Variants in SPAST observed in about 807,000 individuals in gnomAD.
SPAST encodes spastin, also known as spastic paraplegia 4 (autosomal dominant; spastin).
In SPAST, 30 loss-of-function variants were observed where a neutral mutation model predicts 76.6. The observed-to-expected ratio is 0.39, with a 90% CI of 0.29 to 0.53. The LOEUF is 0.53. Ranked by LOEUF, SPAST falls within the 20% of genes least tolerant of loss-of-function variation. The probability of loss-of-function intolerance (pLI) is 0.68; values close to 1 mark genes in which losing one functional copy is unlikely to be tolerated. For synonymous variants in SPAST, 305 were observed against 281.0 expected, an observed-to-expected ratio of 1.09 and a Z score of -0.86; for missense variants, 717 against 770.5, an observed-to-expected ratio of 0.93 and a Z score of 0.82.
At chr2:32,145,081 AT>A in intron 15 of SPAST, 74 bp downstream of exon 15, 2 of 1,127,472 alleles carry the variant, frequency 1.8e-6, no homozygotes, top group Non-Finnish European at 2.6e-6. Context: ...GTCCAAAAAA[AT>A]CTACCAAGAG....
chr2:32,108,022 AAAAGT>A (rs1242579628), intron 4 of SPAST, among the ~76,000 whole-genome samples: 1 of 152,198 alleles, frequency 6.6e-6, no homozygotes, highest in Non-Finnish European at 1.5e-5. Flanking sequence ...CAGGCAAAGA[AAAAGT>A]AAAGTATAAC....
At chr2:32,128,616 A>C (rs910527785) in intron 9 of SPAST, 137 bp downstream of exon 9, 1 of 684,110 alleles carries the variant, frequency 1.5e-6, no homozygotes. Flanking sequence ...CATATGATGA[A>C]TATCTATCTT....
At position 32,114,768 on chromosome 2, in the gene SPAST, T is replaced by C. The variant is rs759755904; in HGVS notation, c.813T>C (p.Gly271=). ...ACCATAGAGCACCTAGTTACAGTGG[T>C]TTATCCATGGTTTCTGGAGTGAAAC... ...SGHHRAPSYS[G]LSMVSGVKQG... is the part of the protein sequence containing the mutation. The change falls in exon 5 of 17, where the codon GGT becomes GGC. Residue 271 remains glycine, a synonymous_variant. Coordinates refer to ENST00000315285, the MANE Select transcript of SPAST (RefSeq NM_014946.4). 3 of 1,614,134 alleles carry C rather than the reference T, an allele frequency of 1.9e-6. No homozygotes were observed. The South Asian group carries it at 3.3e-5, about 18-fold the overall frequency.
chr2:32,114,724 T>A lies in SPAST; in HGVS notation c.769T>A (p.Ser257Thr). 2 of 1,614,086 alleles carry A rather than the reference T, an allele frequency of 1.2e-6. No homozygotes were observed. Among genetic ancestry groups the A allele is most frequent in the Non-Finnish European group, 1.7e-6 (2 of 1,179,936 alleles). The part of the protein sequence containing the change: ...PRSKTVMKTG[S>T]AGLSGHHRAP... ...TTCAAAAACAGTTATGAAAACTGGA[T>A]CTGCAGGCCTTTCAGGCCACCATAG... Residue 257 changes from serine to threonine, a missense_variant, in exon 5 of 17, where the codon TCT becomes ACT. This residue lies in a region of SPAST where 543 missense variants were observed against 445.2 expected (regional missense o/e 1.22). Coordinates refer to ENST00000315285, the MANE Select transcript of SPAST (RefSeq NM_014946.4).
At chr2:32,120,566 T>C (rs1315160075) in intron 7 of SPAST, among the ~76,000 whole-genome samples, 1 of 144,918 alleles carries the variant, frequency 6.9e-6, no homozygotes, top group Non-Finnish European at 1.5e-5. Context: ...ACCTGTTAAC[T>C]CAGGTCTTTT....
rs541036416 is a variant in SPAST, at chr2:32,131,671, C to CTTTTTTTTTTTTTTTTTTTT, written c.1245+3194_1245+3213dup. ...TTAAAAATATTACAGCAACCATTCT[C>CTTTTTTTTTTTTTTTTTTTT]TTTTTTTTTTTTTTTTTTTTTGAGA... On this transcript the variant is annotated intron_variant, in intron 9 of 16. Transcript: ENST00000315285. 2.8e-5 allele frequency among the ~76,000 whole-genome samples: 3 copies of CTTTTTTTTTTTTTTTTTTTT among 108,018 alleles called. 1 individual carries two copies. 70.9% of individuals were successfully genotyped at this position (108,018 alleles called of 152,430 possible).
chr2:32,085,528 T>G (rs1484560427), intron 1 of SPAST, among the ~76,000 whole-genome samples: 1 of 152,124 alleles, frequency 6.6e-6, no homozygotes, highest in Non-Finnish European at 1.5e-5. Flanking sequence ...TTCATAAACT[T>G]TTCTTTACAT....
intron 9 of SPAST, 113 bp from the exon 10 acceptor site, chr2:32,136,450 T>C: frequency 1.2e-6 from 1 of 817,742 alleles, no homozygotes; most frequent in Non-Finnish European, 2.1e-6. Flanking sequence ...AAATCTTTGG[T>C]TGTTTTAAGG....
intron 6 of SPAST, 131 bp from the exon 7 acceptor site, chr2:32,115,988 T>C (rs1678818836): frequency 1.1e-6 from 1 of 945,198 alleles, no homozygotes; most frequent in Non-Finnish European, 1.6e-6. Flanking sequence ...TAGAAAACCA[T>C]TGCTTTACTG....
At chr2:32,124,121 T>C (rs1020465568) in intron 7 of SPAST, among the ~76,000 whole-genome samples, 2 of 152,194 alleles carry the variant, frequency 1.3e-5, no homozygotes, top group Non-Finnish European at 2.9e-5. Context: ...AAATTCATTA[T>C]CTGATGAAGG....
At chr2:32,098,243 A>G (rs1185420054) in intron 3 of SPAST, among the ~76,000 whole-genome samples, 1 of 152,016 alleles carries the variant, frequency 6.6e-6, no homozygotes. Context: ...AGGCGGGAGG[A>G]TCGCTTAAGG....
chr2:32,081,655 G>A (rs1170564439), intron 1 of SPAST, among the ~76,000 whole-genome samples: 1 of 151,564 alleles, frequency 6.6e-6, no homozygotes, highest in African/African-American at 2.4e-5. Flanking sequence ...GTGGTAGCGT[G>A]TGCCTGTAGT....
At chr2:32,103,774 G>A (rs1327654350) in intron 4 of SPAST, among the ~76,000 whole-genome samples, 1 of 152,110 alleles carries the variant, frequency 6.6e-6, no homozygotes, top group East Asian at 1.9e-4. Flanking sequence ...TAGTTGTGTG[G>A]TTTTGCGTGA....
chr2:32,149,296 A>C (rs1274047470), intron 16 of SPAST, among the ~76,000 whole-genome samples: 1 of 124,052 alleles, frequency 8.1e-6, no homozygotes, highest in African/African-American at 3.1e-5. Context: ...ATGGGGTTTC[A>C]CTATGTTGGC....
At chr2:32,128,616 ATATC>A (rs1362371598) in intron 9 of SPAST, 137 bp downstream of exon 9, 4 of 684,110 alleles carry the variant, frequency 5.8e-6, no homozygotes, top group Non-Finnish European at 1.1e-5. Flanking sequence ...CATATGATGA[ATATC>A]TATCTTCAGA....
intron 16 of SPAST, among the ~76,000 whole-genome samples, chr2:32,154,171 G>C (rs1488296305): frequency 6.6e-6 from 1 of 152,098 alleles, no homozygotes; most frequent in Admixed American, 6.5e-5. Context: ...AAATATATTA[G>C]TATAGCATTT....
intron 3 of SPAST, 96 bp from the exon 4 acceptor site, chr2:32,098,700 T>G: frequency 2.5e-6 from 2 of 799,160 alleles, no homozygotes. Flanking sequence ...TGGTAACACC[T>G]TGAGTAATTT....
At chr2:32,116,092 A>T (rs767314022) in intron 6 of SPAST, 27 bp from the exon 7 acceptor site, 1 of 1,519,758 alleles carries the variant, frequency 6.6e-7, no homozygotes. Flanking sequence ...TTTGTATCGT[A>T]GAACTAACTG....
intron 7 of SPAST, among the ~76,000 whole-genome samples, chr2:32,116,628 A>C (rs936331738): frequency 1.3e-4 from 20 of 152,098 alleles, no homozygotes; most frequent in African/African-American, 4.6e-4. Flanking sequence ...CACTATGCCC[A>C]GCTAATTTTT....
Sources: gnomAD v4.1 joint callset for allele counts (sites outside exome capture counted in the v4.1 genomes callset) on GRCh38, gnomAD v4.1.1 for gene constraint, gnomAD v4.1.1 regional missense constraint, MANE v1.5 for transcripts, NCBI Gene and HGNC (gene_info 2026-07-23, HGNC 2026-07-21) for gene names.